Variants in SNED1 observed in about 807,000 individuals in gnomAD.
SNED1 encodes sushi, nidogen and EGF like domains 1, also known as sushi, nidogen and EGF-like domain-containing protein 1.
In SNED1, 81 loss-of-function variants were observed where a neutral mutation model predicts 166.7. That is an observed-to-expected ratio of 0.49 (90% CI 0.41 to 0.58). The LOEUF (loss-of-function observed/expected upper bound fraction) is 0.58, where lower values mean the gene tolerates loss of function less well. Among genes scored for constraint, SNED1 ranks in the 20% least tolerant of loss-of-function variants. The pLI is 0.00. For synonymous variants in SNED1, 762 were observed against 822.0 expected (o/e 0.93, Z 1.25); for missense variants, 1,604 against 2,000.2 (o/e 0.80, Z 3.78).
chr2:241,063,405 G>A (rs1342311397), intron 17 of SNED1, 182 bp from the exon 18 acceptor site: 29 of 617,142 alleles, frequency 4.7e-5, no homozygotes, highest in East Asian at 3.4e-4. Context: ...GGCAGTGGAG[G>A]TGGCACGCCT....
chr2:241,073,181 T>G lies in SNED1; in HGVS notation c.3818-85T>G. On this transcript the variant is annotated intron_variant, in intron 26 of 31. Coordinates refer to ENST00000310397, the MANE Select transcript of SNED1 (RefSeq NM_001080437.3). This position sits in a 1 kb window ranked among gnomAD's most constrained non-coding sequence, Gnocchi z 6.6. ...CCAGGGACATCCGTGCTCCCTGAGA[T>G]ATAGAAGCACTCAAAAGGGTGGCCC... is the stretch of plus-strand genomic sequence containing the variant. 5 of 959,090 alleles carry G rather than the reference T, an allele frequency of 5.2e-6. No individual in the cohort carries two copies. The highest frequency in any genetic ancestry group is 1.5e-5 in the South Asian group (1 of 66,868). 59.4% of individuals were successfully genotyped at this position (959,090 alleles called of 1,614,324 possible).
Position 241,091,516 on chromosome 2 carries a change from G to GCGGGGTCCTCCCCGTGTGCACTGCCATA in SNED1, c.*2-122_*2-121insCGGGGTCCTCCCCGTGTGCACTGCCATA, listed in dbSNP as rs1559325894. On this transcript the variant is annotated intron_variant, in intron 31 of 31. Transcript: ENST00000310397. The surrounding 1 kb of genome is among the most constrained non-coding windows in gnomAD (Gnocchi z 4.1). Reference sequence around the variant, plus strand: ...GGTAGAATCCTGGTGCTCTAAGAACGTGGGGTCCTCTGGGTGACAGAGGCC... The same window carrying GCGGGGTCCTCCCCGTGTGCACTGCCATA: ...GGTAGAATCCTGGTGCTCTAAGAACGCGGGGTCCTCCCCGTGTGCACTGCCATATGGGGTCCTCTGGGTGACAGAGGCC... The GCGGGGTCCTCCCCGTGTGCACTGCCATA allele has an allele frequency of 6.6e-6, 1 of 150,614 alleles. No homozygotes were observed. Among genetic ancestry groups the GCGGGGTCCTCCCCGTGTGCACTGCCATA allele is most frequent in the Non-Finnish European group, 1.5e-5 (1 of 68,054 alleles). 9.3% of individuals were successfully genotyped at this position (150,614 alleles called of 1,614,324 possible). A position where few individuals can be genotyped will look rare whatever the true frequency, so the allele number is the denominator to read the frequency against.
At chr2:241,049,714 A>C in intron 11 of SNED1, 103 bp from the exon 12 acceptor site, 1 of 794,854 alleles carries the variant, frequency 1.3e-6, no homozygotes, top group Non-Finnish European at 2.1e-6. Context: ...GGTTCCAGAC[A>C]GGATGTCAGG....
chr2:241,052,641 G>C lies in SNED1; in HGVS notation c.2083+173G>C, dbSNP rs111642276. 7.6e-3 allele frequency among the ~76,000 whole-genome samples: 901 copies of C among 118,820 alleles called. 81 individuals carry two copies. Among genetic ancestry groups the C allele is most frequent in the East Asian group, 0.074 (278 of 3,774 alleles). 78.0% of individuals were successfully genotyped at this position (118,820 alleles called of 152,430 possible). The stretch of plus-strand genomic sequence containing the variant: ...GCCAGGCAGGTGAGAGGGCCGGGGG[G>C]CCAAGCAGGGTACATGGGACACCGG... On this transcript the variant is annotated intron_variant, in intron 15 of 31. Coordinates refer to ENST00000310397, the MANE Select transcript of SNED1 (RefSeq NM_001080437.3).
chr2:241,068,812 C>G lies in SNED1; in HGVS notation c.3195-99C>G. On this transcript the variant is annotated intron_variant, in intron 22 of 31. Transcript: ENST00000310397. This position sits in a 1 kb window ranked among gnomAD's most constrained non-coding sequence, Gnocchi z 5.3. ...GGCCACCAGCAGCAGGATGACCTCCCCGCAGTCACCTCCTGCCTGGGGGAG... is the reference window on the plus strand; with the variant it reads ...GGCCACCAGCAGCAGGATGACCTCCGCGCAGTCACCTCCTGCCTGGGGGAG... 1 of 802,062 alleles carries G rather than the reference C, an allele frequency of 1.2e-6. No individual in the cohort carries two copies. The highest frequency in any genetic ancestry group is 2.0e-6 in the Non-Finnish European group (1 of 499,276). The allele number at this position is 802,062 out of a possible 1,614,324, so 49.7% of individuals were successfully genotyped here.
chr2:241,020,720 C>T (rs895174643), intron 1 of SNED1, among the ~76,000 whole-genome samples: 1 of 152,202 alleles, frequency 6.6e-6, no homozygotes, highest in Non-Finnish European at 1.5e-5. Context: ...AGCCACCCCA[C>T]CTTAAAGGGG....
At chr2:241,067,130 G>A (rs1052874199) in intron 21 of SNED1, among the ~76,000 whole-genome samples, 24 of 152,290 alleles carry the variant, frequency 1.6e-4, no homozygotes, top group African/African-American at 4.8e-4. Context: ...CGCCCTGCCC[G>A]CTGCAGAGTT....
chr2:241,070,107 GC>G lies in SNED1; in HGVS notation c.3497del (p.Pro1166ArgfsTer9), dbSNP rs1246652118. The G allele has an allele frequency of 6.2e-7, 1 of 1,612,882 alleles. No homozygotes were observed. Among genetic ancestry groups the G allele is most frequent in the Admixed American group, 1.7e-5 (1 of 60,002 alleles). ...LASYTVRDLLPGRRYQLSVIA... is the reference protein window; with the variant it reads ...LASYTVRDLLXGRRYQLSVIA... ...CGTCCTACACGGTGCGCGACCTGCT[GC>G]CGGGACGGCGGTACCAGCTCTCTGT... On this transcript the variant is annotated frameshift_variant, in exon 24 of 32. Transcript: ENST00000310397. LOFTEE classifies it high-confidence loss of function.
chr2:241,006,536 G>A (rs942985906), intron 1 of SNED1, among the ~76,000 whole-genome samples: 4 of 152,222 alleles, frequency 2.6e-5, no homozygotes, highest in South Asian at 2.1e-4. Context: ...TTGAAGATAC[G>A]AGTTGCAGAT....
At chr2:241,087,706 G>A in intron 30 of SNED1, 1 of 1,361,426 alleles carries the variant, frequency 7.3e-7, no homozygotes, top group Non-Finnish European at 9.4e-7. Flanking sequence ...GCTGGGGGGG[G>A]TCACTCTGGT....
intron 21 of SNED1, 74 bp downstream of exon 21, chr2:241,065,669 A>G: frequency 7.5e-7 from 1 of 1,325,764 alleles, no homozygotes; most frequent in Non-Finnish European, 1.0e-6. Flanking sequence ...CGGCACCTGC[A>G]GGGCGGCTGT....
chr2:241,087,684 G>A, intron 30 of SNED1: 2 of 1,367,852 alleles, frequency 1.5e-6, no homozygotes, highest in Non-Finnish European at 9.4e-7. Flanking sequence ...GGCACAGCCG[G>A]GCATGCTGGG....
In SNED1 at chr2:241,073,430, C is replaced by T. The variant is rs2062843388; in HGVS notation, c.3916+66C>T. On this transcript the variant is annotated intron_variant, in intron 27 of 31. Coordinates refer to ENST00000310397, the MANE Select transcript of SNED1 (RefSeq NM_001080437.3). The surrounding 1 kb of genome is among the most constrained non-coding windows in gnomAD (Gnocchi z 6.6). ...CTGCTCTCAGGGGCCTTAGAGGCTG[C>T]AGGCAGGAGGGACCACCCACGGTGA... 6 of 1,355,326 alleles carry T rather than the reference C, an allele frequency of 4.4e-6. No individual in the cohort carries two copies. Among genetic ancestry groups the T allele is most frequent in the Non-Finnish European group, 6.2e-6 (6 of 968,838 alleles). The allele number at this position is 1,355,326 out of a possible 1,614,324, so 84.0% of individuals were successfully genotyped here. A position where few individuals can be genotyped will look rare whatever the true frequency, so the allele number is the denominator to read the frequency against.
intron 27 of SNED1, 31 bp from the exon 28 acceptor site, chr2:241,081,646 G>A (rs1208437840): frequency 6.6e-7 from 1 of 1,515,992 alleles, no homozygotes; most frequent in Admixed American, 1.9e-5. Context: ...TGGGGTTCCA[G>A]TGACTAACCT....
At chr2:241,038,828 G>A (rs1349950214) in intron 6 of SNED1, among the ~76,000 whole-genome samples, 1 of 152,198 alleles carries the variant, frequency 6.6e-6, no homozygotes, top group Admixed American at 6.5e-5. Flanking sequence ...CAGGGGCCTG[G>A]CTGCGGGAGG....
In SNED1 at chr2:241,068,571, C is replaced by A. The variant is rs909788280; in HGVS notation, c.3195-340C>A. Among the ~76,000 whole-genome samples, 1 of 152,082 alleles carries A rather than the reference C, an allele frequency of 6.6e-6. No individual in the cohort carries two copies. The highest frequency in any genetic ancestry group is 2.4e-5 in the African/African-American group (1 of 41,386). ...CCTGTGGTTTCCTGAGAATTTACAT[C>A]AACTCACCTGTGCTGAGGGCCCGTC... On this transcript the variant is annotated intron_variant, in intron 22 of 31. Transcript: ENST00000310397. The surrounding 1 kb of genome is among the most constrained non-coding windows in gnomAD (Gnocchi z 5.3).
At chr2:241,033,159 G>A (rs909911834) in intron 2 of SNED1, among the ~76,000 whole-genome samples, 1 of 152,144 alleles carries the variant, frequency 6.6e-6, no homozygotes, top group African/African-American at 2.4e-5. Context: ...TTTTGTGTGT[G>A]GTGAAAGGCA....
chr2:241,065,378 T>C lies in SNED1; in HGVS notation c.2793T>C (p.Gly931=). The C allele has an allele frequency of 1.2e-6, 2 of 1,613,036 alleles. No individual in the cohort carries two copies. The highest frequency in any genetic ancestry group is 1.7e-6 in the Non-Finnish European group (2 of 1,179,854). Residue 931 remains glycine, a synonymous_variant, in exon 21 of 32, where the codon GGT becomes GGC. Transcript: ENST00000310397. ...CTATCTCCTGGAACCCGCCCAATGG[T>C]CCAGCCGCCAGGCAGATGCTTGATG... ...GVSISWNPPN[G]PAARQMLDGY...
rs2060679682 is a variant in SNED1 at position 241,018,824 on chromosome 2, T to C, written c.214-11460T>C. ...GTGGCCGAACCAGAGCTGAGTGAAT[T>C]CCTGAGGCCCCTTTTTGGCCTGGCT... On this transcript the variant is annotated intron_variant, in intron 1 of 31. Transcript: ENST00000310397. The surrounding 1 kb of genome is among the most constrained non-coding windows in gnomAD (Gnocchi z 5.4). 6.6e-6 allele frequency among the ~76,000 whole-genome samples: 1 copy of C among 152,136 alleles called. No homozygotes were observed. Among genetic ancestry groups the C allele is most frequent in the South Asian group, 2.1e-4 (1 of 4,826 alleles).
Sources: gnomAD v4.1 joint callset for allele counts (sites outside exome capture counted in the v4.1 genomes callset) on GRCh38, gnomAD v4.1.1 for gene constraint, Gnocchi (gnomAD v3.1) non-coding constraint, MANE v1.5 for transcripts, NCBI Gene and HGNC (gene_info 2026-07-23, HGNC 2026-07-21) for gene names.